HNRNPLL: variants seen among roughly 807,000 people sequenced by gnomAD.
The protein encoded by HNRNPLL is heterogeneous nuclear ribonucleoprotein L like, also known as heterogeneous nuclear ribonucleoprotein L-like.
HNRNPLL carries 25 observed loss-of-function variants against 67.1 expected under a neutral mutation model. The observed-to-expected ratio is 0.37, with a 90% CI of 0.27 to 0.52. The LOEUF (loss-of-function observed/expected upper bound fraction) is 0.52, where lower values mean the gene tolerates loss of function less well. Among genes scored for constraint, HNRNPLL ranks in the 20% least tolerant of loss-of-function variants. The pLI, the probability that HNRNPLL is intolerant of heterozygous loss-of-function variation, is 0.90. For synonymous variants in HNRNPLL, 267 were observed against 241.7 expected (o/e 1.10, Z -0.97); for missense variants, 542 against 673.9 (o/e 0.80, Z 2.17).
At chr2:38,574,746 C>T (rs890117549) in intron 7 of HNRNPLL, among the ~76,000 whole-genome samples, 1 of 151,722 alleles carries the variant, frequency 6.6e-6, no homozygotes, top group Non-Finnish European at 1.5e-5. Flanking sequence ...ATCAGTGTCT[C>T]CTTAAATTGG....
chr2:38,569,036 G>T, intron 10 of HNRNPLL, 97 bp downstream of exon 10: 2 of 859,092 alleles, frequency 2.3e-6, no homozygotes, highest in Non-Finnish European at 3.9e-6. Context: ...AACATCAAAA[G>T]CAAAAGAATG....
chr2:38,598,596 C>G (rs981533914), intron 1 of HNRNPLL, among the ~76,000 whole-genome samples: 1 of 152,120 alleles, frequency 6.6e-6, no homozygotes, highest in Non-Finnish European at 1.5e-5. Flanking sequence ...CATTTTTTCA[C>G]TATTATAGCC....
intron 3 of HNRNPLL, 86 bp downstream of exon 3, chr2:38,585,558 T>C: frequency 1.3e-6 from 1 of 774,294 alleles, no homozygotes; most frequent in Admixed American, 2.1e-5. Context: ...AGTATCTAGA[T>C]GGCAATGAAA....
intron 2 of HNRNPLL, among the ~76,000 whole-genome samples, chr2:38,587,878 AT>A (rs1666795765): frequency 6.6e-6 from 1 of 152,106 alleles, no homozygotes; most frequent in South Asian, 2.1e-4. Flanking sequence ...GCTTAGCACT[AT>A]CCCCCTAGCG....
chr2:38,602,382 C>A, intron 1 of HNRNPLL, 56 bp downstream of exon 1: 1 of 1,507,196 alleles, frequency 6.6e-7, no homozygotes, highest in Non-Finnish European at 8.9e-7. Context: ...CGCACCGAGG[C>A]CCTGCTTCCC....
At chr2:38,573,621 C>T (rs1316669433) in intron 7 of HNRNPLL, among the ~76,000 whole-genome samples, 194 bp from the exon 8 acceptor site, 1 of 151,804 alleles carries the variant, frequency 6.6e-6, no homozygotes, top group Admixed American at 6.6e-5. Flanking sequence ...TATTCATTTG[C>T]ACCAGATACA....
intron 1 of HNRNPLL, among the ~76,000 whole-genome samples, chr2:38,596,177 T>C (rs2148386437): frequency 6.6e-6 from 1 of 152,252 alleles, no homozygotes; most frequent in South Asian, 2.1e-4. Flanking sequence ...GTTTTCCCCC[T>C]TTTCCCCCAA....
At chr2:38,584,026 A>G (rs1666633648) in intron 3 of HNRNPLL, 100 bp from the exon 4 acceptor site, 1 of 499,210 alleles carries the variant, frequency 2.0e-6, no homozygotes, top group Non-Finnish European at 3.6e-6. Flanking sequence ...AACTGTCAAG[A>G]TGTCATTTCT....
intron 6 of HNRNPLL, 82 bp downstream of exon 6, chr2:38,581,831 T>C (rs773890299): frequency 5.7e-6 from 5 of 873,934 alleles, no homozygotes; most frequent in Non-Finnish European, 9.6e-6. Context: ...ATTAACTAGC[T>C]CATCTCAGGA....
At chr2:38,599,777 A>G (rs1183058066) in intron 1 of HNRNPLL, 2 of 416,986 alleles carry the variant, frequency 4.8e-6, no homozygotes, top group South Asian at 1.8e-5. Context: ...TGTAGTCAAT[A>G]TATTATCAAA....
At chr2:38,565,655 G>A (rs190511405) in intron 12 of HNRNPLL, among the ~76,000 whole-genome samples, 1 of 146,124 alleles carries the variant, frequency 6.8e-6, no homozygotes, top group Non-Finnish European at 1.5e-5. Context: ...TTGAGCTCAG[G>A]AAAGTCGAGG....
At chr2:38,595,705 G>C (rs928705198) in intron 1 of HNRNPLL, among the ~76,000 whole-genome samples, 7 of 152,082 alleles carry the variant, frequency 4.6e-5, no homozygotes, top group African/African-American at 1.7e-4. Context: ...TTAGCCGGGC[G>C]TGGTGGCGGG....
chr2:38,602,866 A>G lies in HNRNPLL; in HGVS notation c.-240T>C, dbSNP rs1476963378. ...CGCTCCTCTCAATTACCGAGCCAAC[A>G]TTCAGCCTCTCCCTCCTCCTCCTCC... On this transcript the variant is annotated 5_prime_UTR_variant, in exon 1 of 13. An upstream start codon of the reference 5' UTR is lost. Coordinates refer to ENST00000449105, the MANE Select transcript of HNRNPLL (RefSeq NM_138394.4). 1.9e-6 allele frequency: 3 copies of G among 1,549,250 alleles called. No homozygotes were observed. Among genetic ancestry groups the G allele is most frequent in the East Asian group, 2.5e-5 (1 of 40,726 alleles).
intron 1 of HNRNPLL, among the ~76,000 whole-genome samples, chr2:38,596,921 G>C (rs1256322584): frequency 1.3e-5 from 2 of 152,274 alleles, no homozygotes; most frequent in African/African-American, 4.8e-5. Flanking sequence ...TGTAATGGCA[G>C]CATTATTTGG....
At chr2:38,580,874 T>C (rs556756007) in intron 6 of HNRNPLL, among the ~76,000 whole-genome samples, 1 of 152,352 alleles carries the variant, frequency 6.6e-6, no homozygotes, top group Admixed American at 6.5e-5. Context: ...TCAAAATTTC[T>C]AGTTACACAA....
intron 2 of HNRNPLL, among the ~76,000 whole-genome samples, chr2:38,589,957 GAC>G (rs1203753996): frequency 1.3e-5 from 2 of 152,168 alleles, no homozygotes; most frequent in African/African-American, 4.8e-5. Flanking sequence ...TCCTTATAGA[GAC>G]AGGGGTAGTC....
chr2:38,582,634 G>A (rs1158577985), intron 4 of HNRNPLL, among the ~76,000 whole-genome samples: 1 of 151,740 alleles, frequency 6.6e-6, no homozygotes, highest in East Asian at 2.0e-4. Flanking sequence ...TTAAGATCAA[G>A]GGTGGCTGGG....
chr2:38,602,362 C>T (rs1667477230), intron 1 of HNRNPLL, 76 bp downstream of exon 1: 2 of 1,388,432 alleles, frequency 1.4e-6, no homozygotes, highest in African/African-American at 1.5e-5. Context: ...CTGAAGCAAG[C>T]GGGAGGCCCC....
intron 8 of HNRNPLL, among the ~76,000 whole-genome samples, chr2:38,570,162 G>A (rs1252076939): frequency 6.6e-6 from 1 of 152,188 alleles, no homozygotes; most frequent in Non-Finnish European, 1.5e-5. Context: ...ACTCTGTTAT[G>A]TATTAATTGT....
Sources: allele counts gnomAD v4.1 joint callset (sites outside exome capture counted in the v4.1 genomes callset), GRCh38; gene constraint gnomAD v4.1.1; transcripts MANE v1.5; gene names NCBI Gene and HGNC (gene_info 2026-07-23, HGNC 2026-07-21).